The following PDZD2 variants were observed in gnomAD, a reference collection of about 807,000 sequenced individuals.
PDZD2 encodes PDZ domain containing 2.
Under a neutral mutation model 220.7 loss-of-function variants are expected in PDZD2, and 90 were observed. That is an observed-to-expected ratio of 0.41 (90% confidence interval 0.34 to 0.49). The LOEUF is 0.49. Ranked by LOEUF, PDZD2 falls within the 20% of genes least tolerant of loss-of-function variation. The pLI, the probability that PDZD2 is intolerant of heterozygous loss-of-function variation, is 0.28. For missense variants in PDZD2, 3,174 were observed against 3,608.5 expected, an observed-to-expected ratio of 0.88 and a Z score of 3.08; for synonymous variants, 1,375 against 1,450.5, an observed-to-expected ratio of 0.95 and a Z score of 1.18.
In PDZD2 at chr5:31,868,759, G is replaced by A. The variant is rs538257611; in HGVS notation, c.476+69035G>A. On this transcript the variant is annotated intron_variant, in intron 2 of 24. Coordinates refer to ENST00000438447, the MANE Select transcript of PDZD2 (RefSeq NM_178140.4). ...TTTGCTCATTCATAAAATGAGGCTTGCGTTAAAGGTGAGTTTTTTTGTTTG... is the reference window on the plus strand; with the variant it reads ...TTTGCTCATTCATAAAATGAGGCTTACGTTAAAGGTGAGTTTTTTTGTTTG... Among the ~76,000 whole-genome samples the A allele has an allele frequency of 4.6e-5, 7 of 152,146 alleles. No individual in the cohort carries two copies. In the East Asian group the frequency reaches 1.4e-3, roughly 29 times the overall value.
chr5:31,953,640 C>A (rs1252382967), intron 2 of PDZD2, among the ~76,000 whole-genome samples: 1 of 143,624 alleles, frequency 7.0e-6, no homozygotes, highest in East Asian at 2.1e-4. Flanking sequence ...CATAGCAAGA[C>A]CCTGTCTCTT....
At chr5:31,963,230 G>T (rs1403761584) in intron 2 of PDZD2, among the ~76,000 whole-genome samples, 1 of 152,160 alleles carries the variant, frequency 6.6e-6, no homozygotes, top group Non-Finnish European at 1.5e-5. Flanking sequence ...TCACAATGTT[G>T]ACTGACTAAT....
At chr5:31,917,730 G>A (rs753125448) in intron 2 of PDZD2, among the ~76,000 whole-genome samples, 4 of 152,042 alleles carry the variant, frequency 2.6e-5, no homozygotes, top group Non-Finnish European at 4.4e-5. Flanking sequence ...AGGCTGTACA[G>A]GCTTCTGGTT....
intron 6 of PDZD2, among the ~76,000 whole-genome samples, chr5:32,023,815 C>T (rs1305375201): frequency 6.6e-6 from 1 of 152,218 alleles, no homozygotes. Context: ...TTGCTTCCTG[C>T]AGTTTCATTT....
chr5:32,002,647 C>CAA (rs56413532), intron 5 of PDZD2, among the ~76,000 whole-genome samples: 1 of 98,998 alleles, frequency 1.0e-5, no homozygotes, highest in Non-Finnish European at 2.2e-5. Context: ...AACACACACA[C>CAA]CCCACATACT....
rs184416338 is a variant in PDZD2, at chr5:31,964,112, C to G, written c.477-19043C>G. On this transcript the variant is annotated intron_variant, in intron 2 of 24. Coordinates refer to ENST00000438447, the MANE Select transcript of PDZD2 (RefSeq NM_178140.4). The stretch of plus-strand genomic sequence containing the variant: ...CTTTTGTCCCACTCCTACCACAGAA[C>G]GTGTTTGGACCCACCACCCTGTGTG... Among the ~76,000 whole-genome samples the G allele has an allele frequency of 1.6e-3, 242 of 152,370 alleles. 1 individual carries two copies. Among genetic ancestry groups the G allele is most frequent in the African/African-American group, 5.7e-3 (236 of 41,582 alleles).
intron 6 of PDZD2, among the ~76,000 whole-genome samples, chr5:32,030,275 G>A (rs1052238097): frequency 7.9e-5 from 12 of 152,160 alleles, no homozygotes; most frequent in Non-Finnish European, 1.2e-4. Flanking sequence ...AACACCCTCC[G>A]CAGATTCATG....
intron 7 of PDZD2, among the ~76,000 whole-genome samples, chr5:32,047,467 A>T (rs942473888): frequency 4.6e-5 from 7 of 152,252 alleles, no homozygotes; most frequent in Non-Finnish European, 8.8e-5. Context: ...AGCAAGCTCT[A>T]GTCCACAGCT....
chr5:32,077,782 C>A (rs1741444765), intron 19 of PDZD2, 176 bp downstream of exon 19: 1 of 556,984 alleles, frequency 1.8e-6, no homozygotes, highest in Non-Finnish European at 3.2e-6. Flanking sequence ...CATGGTGAAA[C>A]CCCATCTCTA....
At chr5:32,040,431 C>T (rs1043493174) in intron 7 of PDZD2, among the ~76,000 whole-genome samples, 5 of 145,252 alleles carry the variant, frequency 3.4e-5, no homozygotes, top group African/African-American at 1.0e-4. Flanking sequence ...AGCGTCTCTG[C>T]CGGACTGCCC....
intron 2 of PDZD2, among the ~76,000 whole-genome samples, chr5:31,893,139 C>T (rs1741207589): frequency 6.6e-6 from 1 of 152,158 alleles, no homozygotes; most frequent in Non-Finnish European, 1.5e-5. Context: ...GACCTTTCGC[C>T]CTTGCCCTTG....
chr5:32,039,884 TGAG>T (rs1238809264), intron 7 of PDZD2, among the ~76,000 whole-genome samples: 7 of 131,264 alleles, frequency 5.3e-5, no homozygotes, highest in East Asian at 4.8e-4. Context: ...TGGGAGGAAG[TGAG>T]GAGCGCCTCT....
intron 2 of PDZD2, among the ~76,000 whole-genome samples, chr5:31,842,328 T>C (rs572381689): frequency 6.6e-6 from 1 of 152,308 alleles, no homozygotes; most frequent in Non-Finnish European, 1.5e-5. Flanking sequence ...TGCGAGGTAA[T>C]TGTCATTATC....
intron 2 of PDZD2, among the ~76,000 whole-genome samples, chr5:31,937,762 C>G (rs531469462): frequency 6.6e-6 from 1 of 152,200 alleles, no homozygotes; most frequent in South Asian, 2.1e-4. Context: ...GCCTACTGTT[C>G]ACCTGTTGTG....
chr5:31,840,444 A>ATTTT (rs1561499423), intron 2 of PDZD2: 2 of 56,172 alleles, frequency 3.6e-5, no homozygotes, highest in South Asian at 5.1e-4. Flanking sequence ...ATATATATAT[A>ATTTT]TATATTTGTT....
chr5:31,993,630 G>A (rs555545928), intron 3 of PDZD2, among the ~76,000 whole-genome samples: 2 of 152,230 alleles, frequency 1.3e-5, no homozygotes, highest in Admixed American at 6.5e-5. Context: ...GTACCTTAAC[G>A]GTTCCATTGG....
intron 1 of PDZD2, among the ~76,000 whole-genome samples, chr5:31,724,874 G>GAA (rs1168700856): frequency 3.3e-5 from 5 of 152,132 alleles, no homozygotes; most frequent in African/African-American, 1.2e-4. Flanking sequence ...TACCAAATAT[G>GAA]AATATGAAAG....
rs768241615 is a variant in PDZD2 at position 32,089,536 on chromosome 5, C to T, written c.6088C>T (p.Arg2030Cys). 8.7e-6 allele frequency: 14 copies of T among 1,612,286 alleles called. No homozygotes were observed. The highest frequency in any genetic ancestry group is 1.7e-5 in the Admixed American group (1 of 60,020). ...PKCRAEGRAP[R>C]ADSGPVSPAA... ...GTGTAGAGCAGAGGGCAGGGCGCCC[C>T]GTGCTGACTCCGGGCCGGTGAGTCC... The change falls in exon 20 of 25, where the codon CGT (arginine) becomes TGT (cysteine). Residue 2030 changes from arginine (R) to cysteine (C), a missense_variant. This residue lies in a region of PDZD2 where 1,861 missense variants were observed against 2,001.0 expected (regional missense o/e 0.93). Coordinates refer to ENST00000438447, the MANE Select transcript of PDZD2 (RefSeq NM_178140.4).
chr5:31,865,824 G>T (rs1220305911), intron 2 of PDZD2, among the ~76,000 whole-genome samples: 4 of 150,672 alleles, frequency 2.7e-5, no homozygotes, highest in South Asian at 2.1e-4. Flanking sequence ...GTAGAGGCTG[G>T]GTTTCACCGT....
Sources: allele counts gnomAD v4.1 joint callset (sites outside exome capture counted in the v4.1 genomes callset), GRCh38; gene constraint gnomAD v4.1.1; regional missense constraint gnomAD v4.1.1; transcripts MANE v1.5; gene names NCBI Gene and HGNC (gene_info 2026-07-23, HGNC 2026-07-21).